The following LHX9 variants were observed in gnomAD, a reference collection of about 807,000 sequenced individuals.
The protein encoded by LHX9 is LIM/homeobox protein Lhx9.
In LHX9, 9 loss-of-function variants were observed where a neutral mutation model predicts 36.5. The ratio of observed to expected loss-of-function variants is 0.25; its 90% CI spans 0.15 to 0.43. The LOEUF (loss-of-function observed/expected upper bound fraction) is 0.43. Ranked by LOEUF, LHX9 falls within the 20% of genes least tolerant of loss-of-function variation. LHX9 has a pLI of 1.00. For missense variants in LHX9, 464 were observed against 526.4 expected (o/e 0.88, Z 1.16); for synonymous variants, 211 against 212.1 (o/e 0.99, Z 0.04).
chr1:197,920,533 G>C (rs1410342997), intron 2 of LHX9, among the ~76,000 whole-genome samples: 2 of 152,168 alleles, frequency 1.3e-5, no homozygotes, highest in African/African-American at 4.8e-5. Flanking sequence ...AATTGGGCAA[G>C]TTCTGCGCCT....
rs764317541 is a variant in LHX9, at chr1:197,929,242, T to A, written c.1177T>A (p.Leu393Ile). 1 of 1,431,642 alleles carries A rather than the reference T, an allele frequency of 7.0e-7. No individual in the cohort carries two copies. The highest frequency in any genetic ancestry group is 2.6e-5 in the East Asian group (1 of 38,420). 88.7% of individuals were successfully genotyped at this position (1,431,642 alleles called of 1,614,324 possible). ...HESGSPSQTT[L>I]TNLF ...ATCCGGAAGCCCCTCACAAACTACC[T>A]TAACAAACCTTTTCTAACATTGGTT... The change falls in exon 5 of 5, where the codon TTA becomes ATA. Residue 393 changes from leucine (L) to isoleucine (I), a missense_variant. Around this residue, in one of 5 missense-constraint regions of LHX9, gnomAD observed 102 missense variants for 97.0 expected, o/e 1.05. Transcript: ENST00000367387.
In LHX9 at chr1:197,917,649, T is replaced by C; in HGVS notation, c.-175T>C. 1 of 1,514,938 alleles carries C rather than the reference T, an allele frequency of 6.6e-7. No homozygotes were observed. Among genetic ancestry groups the C allele is most frequent in the Non-Finnish European group, 8.8e-7 (1 of 1,134,860 alleles). The allele number at this position is 1,514,938 out of a possible 1,614,324, so 93.8% of individuals were successfully genotyped here. ...GCTTCCCCCCAACTCTTCCCAGTTC[T>C]TTTTGCTTCCCCTCGGCCCCCCAAG... On this transcript the variant is annotated 5_prime_UTR_variant, in exon 1 of 5. Coordinates refer to ENST00000367387, the MANE Select transcript of LHX9 (RefSeq NM_020204.3).
rs984605863 is a variant in LHX9 at position 197,918,390 on chromosome 1, G to C, written c.174+393G>C. 4 of 717,104 alleles carry C rather than the reference G, an allele frequency of 5.6e-6. No individual in the cohort carries two copies. The African/African-American group carries it at 7.0e-5, about 13-fold the overall frequency. The allele number at this position is 717,104 out of a possible 1,614,324, so 44.4% of individuals were successfully genotyped here. ...CAATAGGAGGACGGCGCGCTGCCGA[G>C]GCGTCCGAGCCAAGCAGGAGCCCAG... On this transcript the variant is annotated intron_variant, in intron 1 of 4. Coordinates refer to ENST00000367387, the MANE Select transcript of LHX9 (RefSeq NM_020204.3).
At chr1:197,925,948 GGTATA>G (rs1660129878) in intron 3 of LHX9, among the ~76,000 whole-genome samples, 1 of 152,264 alleles carries the variant, frequency 6.6e-6, no homozygotes, top group African/African-American at 2.4e-5. Context: ...AGTTGAATAT[GGTATA>G]GTCAGTTCCC....
At chr1:197,918,122 G>A in intron 1 of LHX9, 125 bp downstream of exon 1, 3 of 1,089,478 alleles carry the variant, frequency 2.8e-6, no homozygotes, top group Non-Finnish European at 3.9e-6. Context: ...GAGGGTGGCG[G>A]GTGAGTTTTC....
chr1:197,933,871 G>C lies in LHX9; in HGVS notation c.*4612G>C, dbSNP rs1374194991. On this transcript the variant is annotated 3_prime_UTR_variant, in exon 5 of 5. Transcript: ENST00000367387. ...TGATGTAAAGCAGTCTTTGAGTCTG[G>C]GCAACTGCACATTTACTGTTTGGTG... 2.0e-5 allele frequency: 3 copies of C among 152,068 alleles called. No individual in the cohort carries two copies. The highest frequency in any genetic ancestry group is 2.0e-4 in the Admixed American group (3 of 15,258). 9.4% of individuals were successfully genotyped at this position (152,068 alleles called of 1,614,324 possible).
chr1:197,920,108 C>T lies in LHX9; in HGVS notation c.311C>T (p.Ala104Val). The T allele has an allele frequency of 6.2e-7, 1 of 1,614,220 alleles. No homozygotes were observed. The highest frequency in any genetic ancestry group is 8.5e-7 in the Non-Finnish European group (1 of 1,180,038). The change falls in exon 2 of 5, where the codon GCC becomes GTC. Residue 104 changes from alanine to valine, a missense_variant. Around this residue, in one of 5 missense-constraint regions of LHX9, gnomAD observed 93 missense variants for 150.3 expected, o/e 0.62. Coordinates refer to ENST00000367387, the MANE Select transcript of LHX9 (RefSeq NM_020204.3). Reference sequence around the variant, plus strand: ...CTGAAGTGCTGTGAATGTAAGCTGGCCCTCGAGTCCGAGCTCACCTGCTTT... The same window carrying T: ...CTGAAGTGCTGTGAATGTAAGCTGGTCCTCGAGTCCGAGCTCACCTGCTTT... ...RCLKCCECKL[A>V]LESELTCFAK... is the part of the protein sequence containing the mutation.
chr1:197,934,344 C>A lies in LHX9; in HGVS notation c.*5085C>A, dbSNP rs972752033. The A allele has an allele frequency of 1.3e-4, 20 of 152,060 alleles. No individual in the cohort carries two copies. The highest frequency in any genetic ancestry group is 4.8e-4 in the African/African-American group (20 of 41,392). The allele number at this position is 152,060 out of a possible 1,614,324, so 9.4% of individuals were successfully genotyped here. The stretch of plus-strand genomic sequence containing the variant: ...CATGTTGTGGTGGAAATCATTAGAA[C>A]TGGGAAGCTCTGGAATGGAAATTTG... On this transcript the variant is annotated 3_prime_UTR_variant, in exon 5 of 5. Transcript: ENST00000367387.
intron 4 of LHX9, among the ~76,000 whole-genome samples, chr1:197,928,194 A>T (rs755359749): frequency 6.6e-6 from 1 of 152,150 alleles, no homozygotes; most frequent in Non-Finnish European, 1.5e-5. Context: ...TGGCAGCCTC[A>T]CTCACCTTCC....
In LHX9 at chr1:197,931,517, T is replaced by C. The variant is rs1660325329; in HGVS notation, c.*2258T>C. 1 of 159,102 alleles carries C rather than the reference T, an allele frequency of 6.3e-6. No individual in the cohort carries two copies. Among genetic ancestry groups the C allele is most frequent in the African/African-American group, 2.4e-5 (1 of 41,662 alleles). The allele number at this position is 159,102 out of a possible 1,614,324, so 9.9% of individuals were successfully genotyped here. ...AGTTTTATTTAAGTTTTAACCGTAC[T>C]AGTGTGTTCCAGCATCTATATGTAA... is the stretch of plus-strand genomic sequence containing the variant. On this transcript the variant is annotated 3_prime_UTR_variant, in exon 5 of 5. Transcript: ENST00000367387.
chr1:197,921,809 G>C lies in LHX9; in HGVS notation c.733+150G>C. The C allele has an allele frequency of 2.9e-6, 2 of 698,756 alleles. No homozygotes were observed. The highest frequency in any genetic ancestry group is 2.3e-6 in the Non-Finnish European group (1 of 430,206). The allele number at this position is 698,756 out of a possible 1,614,324, so 43.3% of individuals were successfully genotyped here. A position where few individuals can be genotyped will look rare whatever the true frequency, so the allele number is the denominator to read the frequency against. ...AACTCCCTCTCACTCTGAAGGAAGG[G>C]AGAGAGGGAGGAGGAGGGGGGAAGG... On this transcript the variant is annotated intron_variant, in intron 3 of 4. Coordinates refer to ENST00000367387, the MANE Select transcript of LHX9 (RefSeq NM_020204.3). The surrounding 1 kb of genome is among the most constrained non-coding windows in gnomAD (Gnocchi z 4.6).
At chr1:197,922,713 C>T (rs1279907280) in intron 3 of LHX9, among the ~76,000 whole-genome samples, 2 of 152,200 alleles carry the variant, frequency 1.3e-5, no homozygotes, top group Non-Finnish European at 2.9e-5. Flanking sequence ...GGCTGAGAAT[C>T]TCAGCAGACT....
chr1:197,927,523 C>T, intron 3 of LHX9, 68 bp from the exon 4 acceptor site: 1 of 1,323,894 alleles, frequency 7.6e-7, no homozygotes, highest in Non-Finnish European at 1.1e-6. Flanking sequence ...TGTCATACAG[C>T]CTGCCATCAT....
At position 197,921,743 on chromosome 1, in the gene LHX9, C is replaced by G; in HGVS notation, c.733+84C>G. 1 of 1,176,990 alleles carries G rather than the reference C, an allele frequency of 8.5e-7. No individual in the cohort carries two copies. 72.9% of individuals were successfully genotyped at this position (1,176,990 alleles called of 1,614,324 possible). A position where few individuals can be genotyped will look rare whatever the true frequency, so the allele number is the denominator to read the frequency against. On this transcript the variant is annotated intron_variant, in intron 3 of 4. Coordinates refer to ENST00000367387, the MANE Select transcript of LHX9 (RefSeq NM_020204.3). The surrounding 1 kb of genome is among the most constrained non-coding windows in gnomAD (Gnocchi z 4.6). ...AGCTCCTTCCCCGTCCAAAGTCTTG[C>G]TGCAAGAGTGTGTTTTGCCCAATGC...
In LHX9 at chr1:197,932,117, G is replaced by A. The variant is rs1571410419; in HGVS notation, c.*2858G>A. 2.7e-5 allele frequency: 16 copies of A among 590,078 alleles called. No homozygotes were observed. In the South Asian group the frequency reaches 4.7e-4, roughly 17 times the overall value. 36.6% of individuals were successfully genotyped at this position (590,078 alleles called of 1,614,324 possible). A position where few individuals can be genotyped will look rare whatever the true frequency, so the allele number is the denominator to read the frequency against. On this transcript the variant is annotated 3_prime_UTR_variant, in exon 5 of 5. Coordinates refer to ENST00000367387, the MANE Select transcript of LHX9 (RefSeq NM_020204.3). ...GAGAGAGACTTAAATGTCATTTACT[G>A]AATGTTAACGAAACTTGTGTTCTTT...
upstream of LHX9, chr1:197,912,498 C>T (rs772443033): frequency 1.2e-6 from 2 of 1,613,730 alleles, no homozygotes; most frequent in South Asian, 1.1e-5. Flanking sequence ...GTGCAACCAC[C>T]ATTACGGCGT....
upstream of LHX9, chr1:197,916,585 C>A (rs1240251978): frequency 4.4e-6 from 3 of 687,672 alleles, no homozygotes; most frequent in Non-Finnish European, 8.0e-6. Flanking sequence ...ATGGCCAAGG[C>A]GCAATTGCGT....
upstream of LHX9, chr1:197,912,705 G>C (rs1659654484): frequency 2.4e-6 from 2 of 848,600 alleles, no homozygotes; most frequent in Non-Finnish European, 4.1e-6. Flanking sequence ...ACCGCGCTTC[G>C]TAGGCTCAAA....
chr1:197,930,743 T>C lies in LHX9; in HGVS notation c.*1484T>C, dbSNP rs1660307902. 1 of 151,986 alleles carries C rather than the reference T, an allele frequency of 6.6e-6. No homozygotes were observed. The highest frequency in any genetic ancestry group is 2.1e-4 in the South Asian group (1 of 4,828). 9.4% of individuals were successfully genotyped at this position (151,986 alleles called of 1,614,324 possible). A position where few individuals can be genotyped will look rare whatever the true frequency, so the allele number is the denominator to read the frequency against. On this transcript the variant is annotated 3_prime_UTR_variant, in exon 5 of 5. Transcript: ENST00000367387. Reference sequence around the variant, plus strand: ...TATTGTAACTTTTGCTCAGGGTCTTTAGAAAATTAGCACAGAAAGTAGCTT... The same window carrying C: ...TATTGTAACTTTTGCTCAGGGTCTTCAGAAAATTAGCACAGAAAGTAGCTT...
Sources: gnomAD v4.1 joint callset for allele counts (sites outside exome capture counted in the v4.1 genomes callset) on GRCh38, gnomAD v4.1.1 for gene constraint, gnomAD v4.1.1 regional missense constraint, Gnocchi (gnomAD v3.1) non-coding constraint, MANE v1.5 for transcripts, NCBI Gene and HGNC (gene_info 2026-07-23, HGNC 2026-07-21) for gene names.